PNLDC1: variants seen among roughly 807,000 people sequenced by gnomAD.
PNLDC1 encodes the protein PARN like ribonuclease domain containing exonuclease 1.
A neutral mutation model predicts 82.0 loss-of-function variants in PNLDC1; 70 were observed. That is an observed-to-expected ratio of 0.85 (90% CI 0.70 to 1.04). PNLDC1 has a LOEUF of 1.04. Ranked by LOEUF, PNLDC1 falls within the 50% of genes least tolerant of loss-of-function variation. The probability of loss-of-function intolerance (pLI) is 0.00; values close to 1 mark genes in which losing one functional copy is unlikely to be tolerated. For synonymous variants in PNLDC1, 280 were observed against 249.3 expected (o/e 1.12, Z -1.16); for missense variants, 631 against 661.1 (o/e 0.95, Z 0.50).
chr6:159,811,399 T>G (rs1480966739), intron 10 of PNLDC1, among the ~76,000 whole-genome samples: 2 of 152,224 alleles, frequency 1.3e-5, no homozygotes, highest in Admixed American at 6.5e-5. Flanking sequence ...CTGATAATAC[T>G]TCTATTTTTA....
At chr6:159,816,175 T>TC (rs1294591270) in intron 13 of PNLDC1, 142 bp downstream of exon 13, 5 of 170,796 alleles carry the variant, frequency 2.9e-5, no homozygotes, top group African/African-American at 2.8e-4. Context: ...ACCCCTCCCC[T>TC]CCCCCCCACC....
chr6:159,804,859 C>T lies in PNLDC1; in HGVS notation c.461+222C>T, dbSNP rs1005235853. ...CCACTCCCTAATGAACCTCTCACTG[C>T]GTTGAGTGTGAGTTTCAGTGTTTAA... is the stretch of plus-strand genomic sequence containing the variant. On this transcript the variant is annotated intron_variant, in intron 6 of 18. Coordinates refer to ENST00000392167, the MANE Select transcript of PNLDC1 (RefSeq NM_001271862.2). Among the ~76,000 whole-genome samples the T allele has an allele frequency of 2.6e-5, 4 of 152,292 alleles. No homozygotes were observed. The South Asian group carries it at 8.3e-4, about 32-fold the overall frequency.
At position 159,819,189 on chromosome 6, in the gene PNLDC1, C is replaced by T. The variant is rs555576525; in HGVS notation, c.1434-65C>T. The T allele has an allele frequency of 3.3e-5, 53 of 1,610,262 alleles. No homozygotes were observed. The highest frequency in any genetic ancestry group is 2.3e-4 in the South Asian group (21 of 90,874). ...ATCCCTGTATCTCTCTGACTCCACC[C>T]GCCTGATCACAGCAGGCGGCGCCAT... is the stretch of plus-strand genomic sequence containing the variant. On this transcript the variant is annotated intron_variant, in intron 17 of 18. Transcript: ENST00000392167. The surrounding 1 kb of genome is among the most constrained non-coding windows in gnomAD (Gnocchi z 4.6).
In PNLDC1 at chr6:159,803,600, G is replaced by A. The variant is rs549155250; in HGVS notation, c.248+290G>A. 6.6e-5 allele frequency among the ~76,000 whole-genome samples: 10 copies of A among 152,324 alleles called. No homozygotes were observed. The East Asian group carries it at 1.9e-3, about 29-fold the overall frequency. On this transcript the variant is annotated intron_variant, in intron 4 of 18. Transcript: ENST00000392167. ...TATTAATAAAAGCGCCTGACACAGT[G>A]TGGTGTAATGAAAGTGATGTTTAAA...
At chr6:159,813,742 GC>G in intron 12 of PNLDC1, 86 bp downstream of exon 12, 1 of 1,222,898 alleles carries the variant, frequency 8.2e-7, no homozygotes, top group Non-Finnish European at 1.2e-6. Context: ...CTCTAGGCGT[GC>G]CCACCATTCA....
intron 14 of PNLDC1, among the ~76,000 whole-genome samples, 198 bp from the exon 15 acceptor site, chr6:159,816,911 C>T (rs1170943166): frequency 6.6e-5 from 10 of 152,160 alleles, no homozygotes; most frequent in African/African-American, 9.7e-5. Flanking sequence ...GCAATCCACC[C>T]GCCTCGGCCT....
chr6:159,809,304 T>C, intron 9 of PNLDC1, 146 bp downstream of exon 9: 1 of 1,102,128 alleles, frequency 9.1e-7, no homozygotes. Flanking sequence ...TACTTTCAGA[T>C]AGGGTCTCAC....
At position 159,810,086 on chromosome 6, in the gene PNLDC1, C is replaced by A; in HGVS notation, c.844C>A (p.Pro282Thr). 6.2e-7 allele frequency: 1 copy of A among 1,613,832 alleles called. No individual in the cohort carries two copies. The highest frequency in any genetic ancestry group is 8.5e-7 in the Non-Finnish European group (1 of 1,179,708). The change falls in exon 10 of 19, where the codon CCC becomes ACC. Residue 282 changes from proline (P) to threonine (T), a missense_variant. Physicochemically the swap from Pro to Thr is conservative, Grantham distance 38 (BLOSUM62 -1). Coordinates refer to ENST00000392167, the MANE Select transcript of PNLDC1 (RefSeq NM_001271862.2). ...GCACCTCCATGAGAAGTTCTTCAGA[C>A]CCCTCCCAGGTAGGGGCAAACCTGT... ...LLHLHEKFFR[P>T]LPESYDQFKQ...
intron 7 of PNLDC1, 54 bp downstream of exon 7, chr6:159,806,137 C>T: frequency 7.2e-7 from 1 of 1,393,568 alleles, no homozygotes; most frequent in Non-Finnish European, 1.0e-6. Context: ...GTCACTGTCA[C>T]CTGCCAGGAG....
chr6:159,801,229 T>C, intron 3 of PNLDC1, 43 bp downstream of exon 3: 1 of 1,552,930 alleles, frequency 6.4e-7, no homozygotes, highest in Non-Finnish European at 8.9e-7. Flanking sequence ...AGAAGGTATT[T>C]TTATTGTCCT....
chr6:159,809,454 T>TA (rs1345147564), intron 9 of PNLDC1, among the ~76,000 whole-genome samples: 19 of 64,546 alleles, frequency 2.9e-4, no homozygotes, highest in Admixed American at 1.6e-3. Context: ...CTGGCTAATT[T>TA]TTTTTTTTTT....
At chr6:159,809,860 C>T (rs1034835731) in intron 9 of PNLDC1, among the ~76,000 whole-genome samples, 166 bp from the exon 10 acceptor site, 2 of 152,124 alleles carry the variant, frequency 1.3e-5, no homozygotes, top group African/African-American at 2.4e-5. Context: ...GGCATTTAAG[C>T]GGTTGAACTA....
At position 159,810,021 on chromosome 6, in the gene PNLDC1, A is replaced by G. The variant is rs377707169; in HGVS notation, c.784-5A>G. The G allele has an allele frequency of 2.2e-5, 36 of 1,612,734 alleles. No homozygotes were observed. The highest frequency in any genetic ancestry group is 2.7e-5 in the Non-Finnish European group (32 of 1,178,844). ...TTCTCTCACCTGTTGATTTACTCCAAGTAGCCCTTAGTGGGACATAATATG... is the reference window on the plus strand; with the variant it reads ...TTCTCTCACCTGTTGATTTACTCCAGGTAGCCCTTAGTGGGACATAATATG... On this transcript the variant is annotated splice_region_variant and splice_polypyrimidine_tract_variant and intron_variant, in intron 9 of 18. Transcript: ENST00000392167.
intron 12 of PNLDC1, among the ~76,000 whole-genome samples, chr6:159,815,507 C>G (rs1363750069): frequency 6.6e-6 from 1 of 152,208 alleles, no homozygotes; most frequent in African/African-American, 2.4e-5. Flanking sequence ...GCTCGAAATG[C>G]CTGCCGTCTC....
At chr6:159,800,236 G>A, upstream of PNLDC1, 3 of 1,436,136 alleles carry the variant, frequency 2.1e-6, no homozygotes, top group Non-Finnish European at 2.8e-6. Flanking sequence ...ACCCGGCGGC[G>A]CGACGGAAGC....
Position 159,819,326 on chromosome 6 carries a change from C to G in PNLDC1, c.1506C>G (p.His502Gln). 1 of 1,613,902 alleles carries G rather than the reference C, an allele frequency of 6.2e-7. No individual in the cohort carries two copies. The highest frequency in any genetic ancestry group is 8.5e-7 in the Non-Finnish European group (1 of 1,180,028). Reference sequence around the variant, plus strand: ...TCTCCCTGTACCGCTACTGGAGGCACTCCCCAAACGTCAACTGCCTGCTCC... The same window carrying G: ...TCTCCCTGTACCGCTACTGGAGGCAGTCCCCAAACGTCAACTGCCTGCTCC... ...LCISLYRYWRHSPNVNCLLQV... is the reference protein window; with the variant it reads ...LCISLYRYWRQSPNVNCLLQV... Residue 502 changes from histidine (H) to glutamine (Q), a missense_variant, in exon 18 of 19, where the codon CAC (histidine) becomes CAG (glutamine). Physicochemically the swap from His to Gln is conservative, Grantham distance 24. Transcript: ENST00000392167. The surrounding 1 kb of genome is among the most constrained non-coding windows in gnomAD (Gnocchi z 4.6).
Position 159,809,162 on chromosome 6 carries a change from G to T in PNLDC1, c.783+4G>T, listed in dbSNP as rs375277691. On this transcript the variant is annotated splice_donor_region_variant and intron_variant, in intron 9 of 18. Coordinates refer to ENST00000392167, the MANE Select transcript of PNLDC1 (RefSeq NM_001271862.2). ...AATGCTGGTGAAAGCCCAGAAGGTA[G>T]GAAAACATGTCTCTTTTCTTGGCCT... 13 of 1,613,266 alleles carry T rather than the reference G, an allele frequency of 8.1e-6. No homozygotes were observed. The African/African-American group carries it at 1.6e-4, about 20-fold the overall frequency.
In PNLDC1 at chr6:159,820,487, C is replaced by A. The variant is rs772338948; in HGVS notation, c.1566C>A (p.Leu522=). 1.2e-6 allele frequency: 2 copies of A among 1,614,154 alleles called. No homozygotes were observed. Among genetic ancestry groups the A allele is most frequent in the Admixed American group, 3.3e-5 (2 of 60,020 alleles). Residue 522 remains leucine, a synonymous_variant, in exon 19 of 19, where the codon CTC becomes CTA. Coordinates refer to ENST00000392167, the MANE Select transcript of PNLDC1 (RefSeq NM_001271862.2). ...VCGIVTAWAL[L]AFILGRSGT ...GCATAGTGACTGCCTGGGCCCTTCT[C>A]GCGTTCATCCTTGGAAGATCTGGTA...
intron 7 of PNLDC1, among the ~76,000 whole-genome samples, chr6:159,808,529 TAAA>T (rs751817467): frequency 1.6e-5 from 2 of 127,394 alleles, no homozygotes; most frequent in African/African-American, 3.0e-5. Context: ...GGCCCTGAGA[TAAA>T]AAAAAAAAAA....
Sources: gnomAD v4.1 joint callset for allele counts (sites outside exome capture counted in the v4.1 genomes callset) on GRCh38, gnomAD v4.1.1 for gene constraint, Gnocchi (gnomAD v3.1) non-coding constraint, MANE v1.5 for transcripts, NCBI Gene and HGNC (gene_info 2026-07-23, HGNC 2026-07-21) for gene names.